The following RFC1 variants were observed in gnomAD, a reference collection of about 807,000 sequenced individuals.
RFC1 encodes the protein replication factor C subunit 1, also known as A1 140 kDa subunit.
Under a neutral mutation model 137.4 loss-of-function variants are expected in RFC1, and 37 were observed. The observed-to-expected ratio is 0.27, with a 90% confidence interval of 0.21 to 0.35. RFC1 has a LOEUF of 0.35. Among genes scored for constraint, RFC1 ranks in the 10% least tolerant of loss-of-function variants. The probability of loss-of-function intolerance (pLI) is 1.00; values close to 1 mark genes in which losing one functional copy is unlikely to be tolerated. For synonymous variants in RFC1, 429 were observed against 455.7 expected (o/e 0.94, Z 0.75); for missense variants, 1,205 against 1,358.5 (o/e 0.89, Z 1.78).
At chr4:39,333,350 A>C (rs1399098112) in intron 4 of RFC1, among the ~76,000 whole-genome samples, 1 of 152,220 alleles carries the variant, frequency 6.6e-6, no homozygotes, top group African/African-American at 2.4e-5. Flanking sequence ...CCAGAACCTT[A>C]AAGAAGTTCA....
chr4:39,322,455 G>C (rs1739566108), intron 7 of RFC1: 1 of 152,182 alleles, frequency 6.6e-6, no homozygotes, highest in South Asian at 2.1e-4. Flanking sequence ...TATTATATGA[G>C]ACTGTCATAA....
intron 1 of RFC1, among the ~76,000 whole-genome samples, chr4:39,353,382 A>T (rs1478426962): frequency 7.3e-6 from 1 of 136,422 alleles, no homozygotes; most frequent in African/African-American, 2.7e-5. Context: ...CCTGGGCGAC[A>T]GAACGAGACT....
chr4:39,292,513 A>G (rs1490760572), intron 22 of RFC1, among the ~76,000 whole-genome samples: 1 of 152,202 alleles, frequency 6.6e-6, no homozygotes, highest in East Asian at 1.9e-4. Flanking sequence ...TCACTTCTTA[A>G]AGACAGAAAG....
Position 39,291,860 on chromosome 4 carries a change from CACA to C in RFC1, c.2955-11_2955-9del. The C allele has an allele frequency of 6.2e-7, 1 of 1,608,160 alleles. No individual in the cohort carries two copies. The highest frequency in any genetic ancestry group is 1.1e-5 in the South Asian group (1 of 90,912). On this transcript the variant is annotated splice_polypyrimidine_tract_variant and intron_variant, in intron 22 of 24. Transcript: ENST00000349703. Reference sequence around the variant, plus strand: ...CTTTTGCTGGAGTAAGTTCTGAAACCACAACAAAAGAGACATAGTCAACAGCAA... The same window carrying C: ...CTTTTGCTGGAGTAAGTTCTGAAACCACAAAAGAGACATAGTCAACAGCAA...
At chr4:39,299,432 T>G (rs2109599966) in intron 21 of RFC1, among the ~76,000 whole-genome samples, 1 of 151,822 alleles carries the variant, frequency 6.6e-6, no homozygotes, top group Middle Eastern at 3.4e-3. Flanking sequence ...GCAAACACAG[T>G]GAAACCCTGT....
chr4:39,328,624 G>A (rs2109690463), intron 4 of RFC1, among the ~76,000 whole-genome samples: 1 of 152,306 alleles, frequency 6.6e-6, no homozygotes, highest in Admixed American at 6.5e-5. Flanking sequence ...TGTGGCTGCA[G>A]CACAATGCGG....
rs17288680 is a variant in RFC1 at position 39,295,990 on chromosome 4, G to A, written c.2809-231C>T. 1,494 of 350,944 alleles carry A rather than the reference G, an allele frequency of 4.3e-3. 13 individuals are homozygous for A. Among genetic ancestry groups the A allele is most frequent in the African/African-American group, 0.028 (1,360 of 47,898 alleles). 21.7% of individuals were successfully genotyped at this position (350,944 alleles called of 1,614,324 possible). A position where few individuals can be genotyped will look rare whatever the true frequency, so the allele number is the denominator to read the frequency against. On this transcript the variant is annotated intron_variant, in intron 21 of 24. Transcript: ENST00000349703. ...TTGATCCAACATGTTATGGCCCTCA[G>A]GGAGATCATGTCGCCAACTCAGCCT...
chr4:39,308,599 T>C (rs1393118785), intron 13 of RFC1, 37 bp downstream of exon 13: 6 of 1,585,492 alleles, frequency 3.8e-6, no homozygotes, highest in Non-Finnish European at 5.2e-6. Context: ...CATGTTGATA[T>C]ACACACACAC....
intron 4 of RFC1, among the ~76,000 whole-genome samples, chr4:39,334,735 T>TA (rs1740272288): frequency 1.3e-5 from 2 of 152,210 alleles, no homozygotes; most frequent in South Asian, 2.1e-4. Flanking sequence ...ATTGAACACT[T>TA]AGATTTTCCC....
chr4:39,352,837 C>T (rs528586496), intron 1 of RFC1, among the ~76,000 whole-genome samples: 123 of 152,304 alleles, frequency 8.1e-4, no homozygotes, highest in African/African-American at 2.8e-3. Flanking sequence ...CATTTTCCCT[C>T]TTCCTATCCT....
At chr4:39,341,948 AG>A (rs1203977538) in intron 4 of RFC1, among the ~76,000 whole-genome samples, 1 of 152,242 alleles carries the variant, frequency 6.6e-6, no homozygotes, top group African/African-American at 2.4e-5. Context: ...AGAGAATACA[AG>A]GAATTCAACA....
chr4:39,346,124 C>T (rs1261625303), intron 2 of RFC1, among the ~76,000 whole-genome samples: 1 of 152,158 alleles, frequency 6.6e-6, no homozygotes, highest in African/African-American at 2.4e-5. Flanking sequence ...AATGAAACGA[C>T]AGAAACAGGA....
intron 22 of RFC1, 69 bp downstream of exon 22, chr4:39,295,545 G>A: frequency 7.8e-7 from 1 of 1,278,920 alleles, no homozygotes. Context: ...TGACTCACAT[G>A]ATCATTACTG....
chr4:39,345,160 G>A (rs1269890381), intron 3 of RFC1, among the ~76,000 whole-genome samples: 1 of 151,872 alleles, frequency 6.6e-6, no homozygotes, highest in Non-Finnish European at 1.5e-5. Context: ...GATTGCAGGC[G>A]CGTGCCACCA....
chr4:39,314,665 C>T (rs898018549), intron 10 of RFC1, among the ~76,000 whole-genome samples: 1 of 152,044 alleles, frequency 6.6e-6, no homozygotes, highest in Non-Finnish European at 1.5e-5. Flanking sequence ...CCTGCAGGCT[C>T]CCATAAAACC....
chr4:39,333,604 T>A (rs1422496916), intron 4 of RFC1, among the ~76,000 whole-genome samples: 1 of 151,590 alleles, frequency 6.6e-6, no homozygotes. Flanking sequence ...AAAACGGCTG[T>A]CAAAAAAACA....
At chr4:39,292,658 A>ATTT (rs1553921968) in intron 22 of RFC1, among the ~76,000 whole-genome samples, 8 of 151,174 alleles carry the variant, frequency 5.3e-5, no homozygotes, top group African/African-American at 1.7e-4. Context: ...TTATTTATTT[A>ATTT]AAGACGAAGC....
intron 6 of RFC1, 121 bp from the exon 7 acceptor site, chr4:39,323,538 T>C: frequency 1.2e-6 from 1 of 850,012 alleles, no homozygotes; most frequent in Non-Finnish European, 1.8e-6. Context: ...AAAATAATTA[T>C]GACATTTTCC....
chr4:39,290,301 A>G (rs1737597563), intron 23 of RFC1, among the ~76,000 whole-genome samples: 1 of 151,700 alleles, frequency 6.6e-6, no homozygotes, highest in African/African-American at 2.4e-5. Context: ...TGAACCCAGG[A>G]GGTGGAGGTT....
Sources: gnomAD v4.1 joint callset for allele counts (sites outside exome capture counted in the v4.1 genomes callset) on GRCh38, gnomAD v4.1.1 for gene constraint, MANE v1.5 for transcripts, NCBI Gene and HGNC (gene_info 2026-07-23, HGNC 2026-07-21) for gene names.